ABI3BP: variants seen among roughly 807,000 people sequenced by gnomAD.
ABI3BP encodes the protein ABI family member 3 binding protein.
In ABI3BP, 216 loss-of-function variants were observed where a neutral mutation model predicts 268.6. The observed-to-expected ratio is 0.80, with a 90% confidence interval of 0.72 to 0.90. The LOEUF (loss-of-function observed/expected upper bound fraction) is 0.90. Among genes scored for constraint, ABI3BP ranks in the 40% least tolerant of loss-of-function variants. The pLI is 0.00. For missense variants in ABI3BP, 2,090 were observed against 2,182.4 expected (o/e 0.96, Z 0.84); for synonymous variants, 730 against 730.0 (o/e 1.00, Z 0.00).
intron 63 of ABI3BP, among the ~76,000 whole-genome samples, chr3:100,764,334 G>A (rs2096151038): frequency 6.6e-6 from 1 of 152,100 alleles, no homozygotes; most frequent in Non-Finnish European, 1.5e-5. Flanking sequence ...TAGAATCCTT[G>A]GTCATTAACT....
intron 9 of ABI3BP, among the ~76,000 whole-genome samples, chr3:100,874,273 A>G (rs1455004635): frequency 6.6e-6 from 1 of 152,182 alleles, no homozygotes; most frequent in South Asian, 2.1e-4. Context: ...ATTCTCTGCT[A>G]AGATACAATT....
chr3:100,894,649 A>C (rs11915096), intron 4 of ABI3BP, among the ~76,000 whole-genome samples: 11,257 of 152,122 alleles, frequency 0.074, 776 homozygotes, highest in African/African-American at 0.18. Flanking sequence ...GTTAAGAGTA[A>C]GTAAACACGG....
At chr3:100,754,175 ATGCCATGAACTACAGT>A (rs1015961237) in intron 64 of ABI3BP, among the ~76,000 whole-genome samples, 7 of 152,228 alleles carry the variant, frequency 4.6e-5, no homozygotes, top group African/African-American at 1.7e-4. Context: ...AATCACCAAG[ATGCCATGAACTACAGT>A]TGGTATAAAA....
At chr3:100,910,940 A>G (rs1025568506) in intron 2 of ABI3BP, 3 of 156,578 alleles carry the variant, frequency 1.9e-5, no homozygotes, top group African/African-American at 7.2e-5. Context: ...CCAAATGAAA[A>G]AAAAATCTCC....
intron 2 of ABI3BP, among the ~76,000 whole-genome samples, chr3:100,920,764 C>T (rs954743452): frequency 6.6e-6 from 1 of 152,158 alleles, no homozygotes; most frequent in Non-Finnish European, 1.5e-5. Flanking sequence ...CTTTACAATG[C>T]TTCTGAAAGA....
chr3:100,922,602 C>CGTGAT (rs1350669257), intron 2 of ABI3BP, among the ~76,000 whole-genome samples: 3 of 151,582 alleles, frequency 2.0e-5, no homozygotes, highest in Non-Finnish European at 4.4e-5. Flanking sequence ...TGTGACGTGA[C>CGTGAT]GTGATGTGAT....
intron 52 of ABI3BP, 64 bp downstream of exon 52, chr3:100,796,345 C>G: frequency 7.6e-7 from 1 of 1,318,072 alleles, no homozygotes; most frequent in Non-Finnish European, 1.0e-6. Context: ...AATATATTTA[C>G]TTCAAGAATT....
chr3:100,825,036 CAGAAACTTT>C, intron 35 of ABI3BP, 95 bp from the exon 36 acceptor site: 1 of 1,011,006 alleles, frequency 9.9e-7, no homozygotes, highest in Non-Finnish European at 1.4e-6. Flanking sequence ...CCTATAGTTC[CAGAAACTTT>C]AGTTGTTTTT....
chr3:100,827,813 A>G (rs921708637), intron 34 of ABI3BP, among the ~76,000 whole-genome samples: 3 of 152,160 alleles, frequency 2.0e-5, no homozygotes, highest in Non-Finnish European at 4.4e-5. Flanking sequence ...TAAAAAGGTT[A>G]TAAATCATCC....
At chr3:100,819,863 T>C (rs1326638986) in intron 40 of ABI3BP, among the ~76,000 whole-genome samples, 3 of 148,208 alleles carry the variant, frequency 2.0e-5, no homozygotes, top group East Asian at 4.0e-4. Context: ...GCAGGAGAAT[T>C]GCTTGAACCG....
At chr3:100,911,950 T>G in intron 2 of ABI3BP, 1 of 975,624 alleles carries the variant, frequency 1.0e-6, no homozygotes, top group Middle Eastern at 2.9e-4. Flanking sequence ...GCTTGCTCAT[T>G]TACTTCACTT....
intron 51 of ABI3BP, 70 bp downstream of exon 51, chr3:100,804,722 T>C (rs1238349095): frequency 2.4e-5 from 32 of 1,345,862 alleles, no homozygotes; most frequent in Non-Finnish European, 3.4e-5. Flanking sequence ...TTCCACCAAG[T>C]CTCATGTTTC....
intron 47 of ABI3BP, 125 bp from the exon 48 acceptor site, chr3:100,811,402 C>A: frequency 1.4e-6 from 1 of 711,066 alleles, no homozygotes; most frequent in Admixed American, 3.1e-5. Context: ...TGGATTTAGA[C>A]AGGAAAAAAG....
chr3:100,915,876 G>T (rs1188779916), intron 2 of ABI3BP, among the ~76,000 whole-genome samples: 2 of 152,136 alleles, frequency 1.3e-5, no homozygotes, highest in African/African-American at 4.8e-5. Flanking sequence ...TTCAGCTACT[G>T]TCCCAAACTA....
At chr3:100,879,047 A>G (rs1054462190) in intron 6 of ABI3BP, among the ~76,000 whole-genome samples, 2 of 152,174 alleles carry the variant, frequency 1.3e-5, no homozygotes, top group Admixed American at 6.5e-5. Flanking sequence ...ATTTATCTTC[A>G]GCAATTTTGA....
chr3:100,894,903 C>T (rs2046562665), intron 4 of ABI3BP, among the ~76,000 whole-genome samples: 1 of 119,336 alleles, frequency 8.4e-6, no homozygotes, highest in South Asian at 2.8e-4. Flanking sequence ...CGCGCCTCTG[C>T]ACTCCAGCCT....
In ABI3BP at chr3:100,789,515, C is replaced by T. The variant is rs775363429; in HGVS notation, c.4026G>A (p.Ala1342=). 30 of 1,590,906 alleles carry T rather than the reference C, an allele frequency of 1.9e-5. No individual in the cohort carries two copies. The highest frequency in any genetic ancestry group is 1.7e-4 in the Middle Eastern group (1 of 6,018). ...TCACAGTAGTATAAAATCTGTGTGG[C>T]GCTGAAACAGAGGAACACTTTATAT... ...RTTELAKTTQ[A]PHRFYTTVRP... The change falls in exon 56 of 68, where the codon GCG becomes GCA. Residue 1342 remains alanine, a splice_region_variant and synonymous_variant. Transcript: ENST00000471714.
chr3:100,775,179 T>A, intron 60 of ABI3BP, 28 bp downstream of exon 60: 2 of 1,609,034 alleles, frequency 1.2e-6, no homozygotes, highest in Non-Finnish European at 1.7e-6. Context: ...CAGCTAAGTA[T>A]CCAGTGAGAA....
chr3:100,844,043 A>G, intron 20 of ABI3BP: 3 of 980,382 alleles, frequency 3.1e-6, no homozygotes, highest in Non-Finnish European at 3.6e-6. Flanking sequence ...TATGTTTAGT[A>G]AAAATAAATA....
Sources: allele counts gnomAD v4.1 joint callset (sites outside exome capture counted in the v4.1 genomes callset), GRCh38; gene constraint gnomAD v4.1.1; transcripts MANE v1.5; gene names NCBI Gene and HGNC (gene_info 2026-07-23, HGNC 2026-07-21).